HEMK2: variants seen among roughly 807,000 people sequenced by gnomAD.
HEMK2 encodes methyltransferase HEMK2.
At chr21:28,600,619 T>C in the HEMK2 span, among the ~76,000 whole-genome samples, 9 of 152,252 alleles carry the variant, frequency 5.9e-5, no homozygotes, top group South Asian at 2.1e-4. Flanking sequence ...TTGTAACTTA[T>C]GCAAATGTCT....
chr21:28,758,094 T>C, the HEMK2 span, among the ~76,000 whole-genome samples: 12 of 152,138 alleles, frequency 7.9e-5, no homozygotes, highest in Admixed American at 1.3e-4. Context: ...TATGGAAGAG[T>C]TGGACAAATA....
chr21:28,700,829 A>C, the HEMK2 span, among the ~76,000 whole-genome samples: 1 of 104,412 alleles, frequency 9.6e-6, no homozygotes, highest in African/African-American at 6.5e-5. Context: ...AAGCTTGCAG[A>C]AACACACACA....
At chr21:28,754,344 C>T in the HEMK2 span, among the ~76,000 whole-genome samples, 3 of 152,238 alleles carry the variant, frequency 2.0e-5, no homozygotes, top group Non-Finnish European at 4.4e-5. Context: ...TTGTTCTGAA[C>T]TTGGCGGAGC....
the HEMK2 span, among the ~76,000 whole-genome samples, chr21:28,838,060 C>CA: frequency 2.0e-5 from 3 of 151,912 alleles, no homozygotes; most frequent in African/African-American, 7.3e-5. Context: ...AAACTGCCAA[C>CA]AAAAAAATAG....
At chr21:28,598,286 A>G in the HEMK2 span, among the ~76,000 whole-genome samples, 1 of 152,238 alleles carries the variant, frequency 6.6e-6, no homozygotes, top group Non-Finnish European at 1.5e-5. Context: ...TATGGTGACA[A>G]TATGATCTAC....
chr21:28,787,466 G>A, the HEMK2 span, among the ~76,000 whole-genome samples: 163 of 152,078 alleles, frequency 1.1e-3, 1 homozygote, highest in Non-Finnish European at 1.7e-3. Flanking sequence ...CTATACATCT[G>A]ACAAAGGACT....
chr21:28,649,913 C>T, the HEMK2 span, among the ~76,000 whole-genome samples: 1 of 152,084 alleles, frequency 6.6e-6, no homozygotes, highest in African/African-American at 2.4e-5. Context: ...CATGAAACTA[C>T]ATGGCATGTT....
At chr21:28,835,242 C>T in the HEMK2 span, among the ~76,000 whole-genome samples, 1 of 152,160 alleles carries the variant, frequency 6.6e-6, no homozygotes, top group Non-Finnish European at 1.5e-5. Context: ...GAGTCCATTG[C>T]ACCCCACGCC....
At chr21:28,864,923 T>TAGAC in the HEMK2 span, among the ~76,000 whole-genome samples, 2,661 of 123,842 alleles carry the variant, frequency 0.021, 100 homozygotes, top group African/African-American at 0.069. Flanking sequence ...TATAGATAGA[T>TAGAC]AGACAGACAG....
chr21:28,704,543 C>A, the HEMK2 span, among the ~76,000 whole-genome samples: 1 of 135,922 alleles, frequency 7.4e-6, no homozygotes, highest in East Asian at 2.3e-4. Flanking sequence ...TCAGCATGTT[C>A]CAGAAGGTTT....
chr21:28,604,079 T>G, the HEMK2 span, among the ~76,000 whole-genome samples: 1 of 152,368 alleles, frequency 6.6e-6, no homozygotes, highest in South Asian at 2.1e-4. Flanking sequence ...CCTGGTTCAA[T>G]CTCTACTTTC....
the HEMK2 span, among the ~76,000 whole-genome samples, chr21:28,732,781 C>A: frequency 2.7e-3 from 406 of 152,276 alleles, 3 homozygotes; most frequent in African/African-American, 9.2e-3. Flanking sequence ...AAGACTCTGT[C>A]TGAACAAGAA....
chr21:28,701,364 T>C, the HEMK2 span, among the ~76,000 whole-genome samples: 2 of 152,108 alleles, frequency 1.3e-5, no homozygotes, highest in African/African-American at 4.8e-5. Context: ...TATCCCTCTC[T>C]GCAGATATGA....
the HEMK2 span, among the ~76,000 whole-genome samples, chr21:28,616,341 T>C: frequency 2.2e-4 from 33 of 152,254 alleles, no homozygotes; most frequent in African/African-American, 7.7e-4. Flanking sequence ...AGACTTGCCA[T>C]TGAAACAATA....
chr21:28,622,523 A>ACAAT, the HEMK2 span, among the ~76,000 whole-genome samples: 2 of 152,142 alleles, frequency 1.3e-5, no homozygotes, highest in African/African-American at 4.8e-5. Flanking sequence ...TATAGCCAAG[A>ACAAT]CAATCCTAAG....
chr21:28,881,596 T>C, the HEMK2 span, among the ~76,000 whole-genome samples: 1 of 151,626 alleles, frequency 6.6e-6, no homozygotes, highest in Non-Finnish European at 1.5e-5. Context: ...TTCTTAGAGT[T>C]CCTGGAAGTA....
the HEMK2 span, among the ~76,000 whole-genome samples, chr21:28,751,140 A>C: frequency 6.6e-6 from 1 of 150,678 alleles, no homozygotes; most frequent in Non-Finnish European, 1.5e-5. Flanking sequence ...CTGAGGCAGG[A>C]GAATGGTGTG....
chr21:28,766,938 A>G, the HEMK2 span, among the ~76,000 whole-genome samples: 1 of 152,066 alleles, frequency 6.6e-6, no homozygotes, highest in Non-Finnish European at 1.5e-5. Context: ...AAATCTCAGA[A>G]GTAACTGCTA....
chr21:28,831,495 GAAAGAAAGAAAGAAAGAAAGAAA>G, the HEMK2 span, among the ~76,000 whole-genome samples: 1 of 73,192 alleles, frequency 1.4e-5, no homozygotes, highest in African/African-American at 6.1e-5. Flanking sequence ...AAGAAAGAAA[GAAAGAAAGAAAGAAAGAAAGAAA>G]GAAAGAAGGA....
Sources: gnomAD v4.1 joint callset for allele counts (sites outside exome capture counted in the v4.1 genomes callset) on GRCh38, gnomAD v4.1.1 for gene constraint, MANE v1.5 for transcripts, NCBI Gene and HGNC (gene_info 2026-07-23, HGNC 2026-07-21) for gene names.